Variants in KDM4C observed in about 807,000 individuals in gnomAD.
KDM4C encodes lysine demethylase 4C, also known as lysine-specific demethylase 4C.
KDM4C carries 81 observed loss-of-function variants against 129.3 expected under a neutral mutation model. The ratio of observed to expected loss-of-function variants is 0.63; its 90% CI spans 0.52 to 0.75. The LOEUF (loss-of-function observed/expected upper bound fraction) is 0.75. Ranked by LOEUF, KDM4C falls within the 30% of genes least tolerant of loss-of-function variation. The probability of loss-of-function intolerance (pLI) is 0.00; values close to 1 mark genes in which losing one functional copy is unlikely to be tolerated. For synonymous variants in KDM4C, 573 were observed against 456.1 expected, an observed-to-expected ratio of 1.26 and a Z score of -3.26; for missense variants, 1,457 against 1,304.0, an observed-to-expected ratio of 1.12 and a Z score of -1.81.
intron 17 of KDM4C, among the ~76,000 whole-genome samples, chr9:7,089,560 C>G (rs1486873059): frequency 6.6e-6 from 1 of 152,200 alleles, no homozygotes; most frequent in Non-Finnish European, 1.5e-5. Flanking sequence ...TCGCTGCAGC[C>G]TGCTCACATG....
chr9:7,128,975 GT>G (rs145929163), intron 19 of KDM4C, among the ~76,000 whole-genome samples: 2 of 151,810 alleles, frequency 1.3e-5, no homozygotes, highest in Admixed American at 6.6e-5. Flanking sequence ...TCCACAGAGG[GT>G]TTTTTTTGAC....
intron 5 of KDM4C, among the ~76,000 whole-genome samples, chr9:6,861,644 A>G (rs946508910): frequency 3.4e-4 from 51 of 152,160 alleles, no homozygotes; most frequent in African/African-American, 1.0e-3. Flanking sequence ...TCATGAATCT[A>G]TCCCCTCCTC....
chr9:6,877,579 C>A (rs560087596), intron 5 of KDM4C, among the ~76,000 whole-genome samples: 46 of 152,262 alleles, frequency 3.0e-4, no homozygotes, highest in African/African-American at 1.1e-3. Flanking sequence ...TCCCCTAGGG[C>A]TTTATTGACA....
chr9:7,084,024 G>C (rs1394541371), intron 17 of KDM4C, among the ~76,000 whole-genome samples: 1 of 152,128 alleles, frequency 6.6e-6, no homozygotes. Flanking sequence ...CAAATGCTGA[G>C]GGCAGTCAAG....
chr9:7,093,259 T>G (rs1040330207), intron 17 of KDM4C, among the ~76,000 whole-genome samples: 3 of 152,182 alleles, frequency 2.0e-5, no homozygotes, highest in African/African-American at 7.2e-5. Flanking sequence ...GAGCATGGTG[T>G]TGTTGATTCA....
chr9:7,017,078 G>T (rs1436132503), intron 15 of KDM4C, among the ~76,000 whole-genome samples: 1 of 152,106 alleles, frequency 6.6e-6, no homozygotes, highest in East Asian at 1.9e-4. Context: ...TGGGACTACA[G>T]GCATGCGCCA....
At chr9:7,108,500 G>A (rs192168596) in intron 18 of KDM4C, among the ~76,000 whole-genome samples, 32 of 152,300 alleles carry the variant, frequency 2.1e-4, no homozygotes, top group Admixed American at 1.8e-3. Flanking sequence ...GCCTCCCAAA[G>A]TGCTGGGATT....
intron 18 of KDM4C, among the ~76,000 whole-genome samples, chr9:7,123,030 G>C (rs1324802596): frequency 2.0e-5 from 3 of 152,104 alleles, no homozygotes; most frequent in African/African-American, 4.8e-5. Flanking sequence ...CATTTTTCCT[G>C]CAAAAATAAA....
At chr9:7,086,784 C>G (rs1212619512) in intron 17 of KDM4C, among the ~76,000 whole-genome samples, 1 of 152,176 alleles carries the variant, frequency 6.6e-6, no homozygotes, top group African/African-American at 2.4e-5. Context: ...AAGACAGTTA[C>G]AAGGACAGTT....
At chr9:6,893,397 C>G (rs1846384445) in intron 8 of KDM4C, 165 bp downstream of exon 8, 1 of 438,666 alleles carries the variant, frequency 2.3e-6, no homozygotes, top group Non-Finnish European at 3.9e-6. Flanking sequence ...TTTACATAGC[C>G]AATATTACCA....
intron 12 of KDM4C, among the ~76,000 whole-genome samples, chr9:7,008,937 A>G (rs1044951065): frequency 6.6e-6 from 1 of 152,246 alleles, no homozygotes; most frequent in Non-Finnish European, 1.5e-5. Context: ...ATAAGTCACT[A>G]GTTCTTCAAA....
intron 4 of KDM4C, among the ~76,000 whole-genome samples, chr9:6,831,051 G>A (rs1166263954): frequency 1.3e-5 from 2 of 152,140 alleles, no homozygotes; most frequent in African/African-American, 4.8e-5. Flanking sequence ...GAATTAAGTG[G>A]TACTCACTTT....
intron 19 of KDM4C, among the ~76,000 whole-genome samples, chr9:7,145,446 CCT>C (rs1842133318): frequency 1.3e-5 from 2 of 152,106 alleles, no homozygotes; most frequent in Non-Finnish European, 2.9e-5. Flanking sequence ...GGCGCACTCC[CCT>C]CTCACCTCAT....
chr9:6,788,113 G>T (rs965602693), intron 1 of KDM4C, among the ~76,000 whole-genome samples: 3 of 152,024 alleles, frequency 2.0e-5, no homozygotes, highest in Admixed American at 6.6e-5. Context: ...TCAGCCCTTT[G>T]TTCCTCCGAA....
rs1250210073 is a variant in KDM4C, at chr9:7,151,516, T to TA, written c.2782-13713dup. Among the ~76,000 whole-genome samples the TA allele has an allele frequency of 2.4e-4, 36 of 151,482 alleles. 1 individual carries two copies. In the South Asian group the frequency reaches 5.4e-3, roughly 23 times the overall value. On this transcript the variant is annotated intron_variant, in intron 19 of 21. Transcript: ENST00000381309. ...CATAGCAAGACCTCATCTCTACTTT[T>TA]AAAAAAAAATTAGCCAAGCATGGTG...
intron 4 of KDM4C, among the ~76,000 whole-genome samples, chr9:6,824,484 A>G (rs898566586): frequency 6.6e-6 from 1 of 152,200 alleles, no homozygotes; most frequent in Non-Finnish European, 1.5e-5. Flanking sequence ...TTACTCCAAG[A>G]CAGTAGTTCT....
chr9:6,959,220 A>G (rs1221261832), intron 8 of KDM4C, among the ~76,000 whole-genome samples: 2 of 152,174 alleles, frequency 1.3e-5, no homozygotes, highest in Non-Finnish European at 2.9e-5. Context: ...TCATGGTTTT[A>G]TCGTCTGTTT....
intron 17 of KDM4C, among the ~76,000 whole-genome samples, chr9:7,060,498 T>TATTATTA: frequency 1.4e-5 from 2 of 144,770 alleles, no homozygotes; most frequent in Admixed American, 7.0e-5. Flanking sequence ...TTATTATTAT[T>TATTATTA]TTGAGATGGA....
intron 8 of KDM4C, among the ~76,000 whole-genome samples, chr9:6,958,543 C>T (rs1052760774): frequency 1.6e-4 from 24 of 151,412 alleles, no homozygotes; most frequent in African/African-American, 4.9e-4. Flanking sequence ...GCCGAGATCG[C>T]GCCATTGCAT....
Sources: allele counts gnomAD v4.1 joint callset (sites outside exome capture counted in the v4.1 genomes callset), GRCh38; gene constraint gnomAD v4.1.1; transcripts MANE v1.5; gene names NCBI Gene and HGNC (gene_info 2026-07-23, HGNC 2026-07-21).